Variants in CMTM4 observed in about 807,000 individuals in gnomAD.
The protein encoded by CMTM4 is CKLF like MARVEL transmembrane domain containing 4.
A neutral mutation model predicts 19.0 loss-of-function variants in CMTM4; 8 were observed. The observed-to-expected ratio is 0.42, with a 90% CI of 0.25 to 0.76. CMTM4 has a LOEUF of 0.76. Among genes scored for constraint, CMTM4 ranks in the 30% least tolerant of loss-of-function variants. The pLI, the probability that CMTM4 is intolerant of heterozygous loss-of-function variation, is 0.27. For missense variants in CMTM4, 228 were observed against 290.2 expected (o/e 0.79, Z 1.56); for synonymous variants, 106 against 121.1 (o/e 0.88, Z 0.82).
At chr16:66,641,694 A>G (rs1217377304) in intron 1 of CMTM4, among the ~76,000 whole-genome samples, 1 of 152,178 alleles carries the variant, frequency 6.6e-6, no homozygotes, top group African/African-American at 2.4e-5. Flanking sequence ...CTCACCCATA[A>G]AATTATACCT....
chr16:66,677,418 T>C (rs949100689), intron 1 of CMTM4, among the ~76,000 whole-genome samples: 2 of 152,300 alleles, frequency 1.3e-5, no homozygotes, highest in Admixed American at 1.3e-4. Context: ...AGCAGCAGCG[T>C]GTTATTGTGG....
chr16:66,647,078 G>A (rs2016216076), intron 1 of CMTM4, among the ~76,000 whole-genome samples: 1 of 150,962 alleles, frequency 6.6e-6, no homozygotes, highest in South Asian at 2.1e-4. Flanking sequence ...CACTTTGGGA[G>A]GCCGAGGTGG....
At chr16:66,681,551 G>A (rs899237166) in intron 1 of CMTM4, among the ~76,000 whole-genome samples, 1 of 152,114 alleles carries the variant, frequency 6.6e-6, no homozygotes, top group Non-Finnish European at 1.5e-5. Context: ...GGATCCACCC[G>A]TCTTGGCCTC....
the CMTM4 span, among the ~76,000 whole-genome samples, chr16:66,600,379 A>T: frequency 6.6e-6 from 1 of 152,064 alleles, no homozygotes; most frequent in Non-Finnish European, 1.5e-5. Flanking sequence ...TCCTGACCTC[A>T]GGTGATTAGC....
At chr16:66,609,034 A>C in the CMTM4 span, among the ~76,000 whole-genome samples, 1 of 152,236 alleles carries the variant, frequency 6.6e-6, no homozygotes, top group Non-Finnish European at 1.5e-5. The surrounding 1 kb of genome is among the most constrained non-coding windows in gnomAD (Gnocchi z 4.4). Context: ...GATAAGCAGA[A>C]ACTGTGGTCC....
intron 2 of CMTM4, among the ~76,000 whole-genome samples, chr16:66,629,880 C>T (rs1269943782): frequency 6.6e-6 from 1 of 152,216 alleles, no homozygotes; most frequent in Non-Finnish European, 1.5e-5. Context: ...TCCATAAGGA[C>T]AGAGGCTCCT....
intron 1 of CMTM4, among the ~76,000 whole-genome samples, chr16:66,651,905 C>T (rs2016317847): frequency 6.6e-6 from 1 of 152,184 alleles, no homozygotes; most frequent in South Asian, 2.1e-4. Context: ...AACAAAGGAG[C>T]TAATTGCAAG....
the CMTM4 span, among the ~76,000 whole-genome samples, chr16:66,609,172 G>A: frequency 6.6e-6 from 1 of 151,626 alleles, no homozygotes; most frequent in Admixed American, 6.6e-5. The surrounding 1 kb of genome is among the most constrained non-coding windows in gnomAD (Gnocchi z 4.4). Flanking sequence ...AGGGCAGGCT[G>A]CACCCTGATC....
At chr16:66,692,384 T>C (rs1221239704) in intron 1 of CMTM4, among the ~76,000 whole-genome samples, 2 of 152,014 alleles carry the variant, frequency 1.3e-5, no homozygotes, top group East Asian at 1.9e-4. Context: ...GCCCGGCCTG[T>C]TGCAAGGTTA....
chr16:66,622,325 T>C lies in CMTM4; in HGVS notation c.463-103A>G. On this transcript the variant is annotated intron_variant, in intron 3 of 3. Transcript: ENST00000394106. This position sits in a 1 kb window ranked among gnomAD's most constrained non-coding sequence, Gnocchi z 4.0. ...TGCAGCCCCTTCCTGCTCTGCCAGCTGATCATTACAACCCTGTGCCTTCAT... is the reference window on the plus strand; with the variant it reads ...TGCAGCCCCTTCCTGCTCTGCCAGCCGATCATTACAACCCTGTGCCTTCAT... The C allele has an allele frequency of 1.6e-6, 2 of 1,276,742 alleles. No homozygotes were observed. Among genetic ancestry groups the C allele is most frequent in the Non-Finnish European group, 1.1e-6 (1 of 915,920 alleles). The allele number at this position is 1,276,742 out of a possible 1,614,324, so 79.1% of individuals were successfully genotyped here.
intron 1 of CMTM4, among the ~76,000 whole-genome samples, chr16:66,666,515 C>A (rs1341540442): frequency 6.6e-6 from 1 of 152,130 alleles, no homozygotes; most frequent in Non-Finnish European, 1.5e-5. Context: ...ATTTGCAACT[C>A]ACGTATCTGA....
At chr16:66,633,785 T>C (rs1317372450) in intron 2 of CMTM4, among the ~76,000 whole-genome samples, 1 of 145,586 alleles carries the variant, frequency 6.9e-6, no homozygotes, top group African/African-American at 2.6e-5. Context: ...ACCACTGCAC[T>C]CCAGCCTGGG....
chr16:66,613,003 G>A (rs1596891296), downstream of CMTM4: 1 of 701,580 alleles, frequency 1.4e-6, no homozygotes, highest in African/African-American at 1.7e-5. Context: ...GGGGGTCGGG[G>A]GTCTTCTGTT....
the CMTM4 span, among the ~76,000 whole-genome samples, chr16:66,607,760 G>C: frequency 6.6e-6 from 1 of 152,266 alleles, no homozygotes; most frequent in African/African-American, 2.4e-5. Context: ...AGGGAGCTGG[G>C]GTGGGGTAAG....
the CMTM4 span, among the ~76,000 whole-genome samples, chr16:66,607,619 C>G: frequency 6.6e-6 from 1 of 152,296 alleles, no homozygotes; most frequent in African/African-American, 2.4e-5. Flanking sequence ...CATTCAGTGA[C>G]GAGCACACGT....
intron 1 of CMTM4, among the ~76,000 whole-genome samples, chr16:66,645,403 C>G (rs2016174313): frequency 6.6e-6 from 1 of 151,760 alleles, no homozygotes; most frequent in African/African-American, 2.4e-5. Flanking sequence ...GATGGTGAAA[C>G]CCTGTCTCTA....
In CMTM4 at chr16:66,696,617, G is replaced by A. The variant is rs1468655937; in HGVS notation, c.-92C>T. The A allele has an allele frequency of 3.0e-5, 22 of 722,790 alleles. No homozygotes were observed. The highest frequency in any genetic ancestry group is 3.5e-5 in the Non-Finnish European group (21 of 592,674). 44.8% of individuals were successfully genotyped at this position (722,790 alleles called of 1,614,324 possible). ...GGGCCGCCGCATCGCCGCCGCCGCC[G>A]CCGCCGCCGCCGCCCGACTGACTGC... is the stretch of plus-strand genomic sequence containing the variant. On this transcript the variant is annotated 5_prime_UTR_variant, in exon 1 of 4. Transcript: ENST00000394106. This position sits in a 1 kb window ranked among gnomAD's most constrained non-coding sequence, Gnocchi z 4.3.
intron 1 of CMTM4, among the ~76,000 whole-genome samples, chr16:66,672,672 C>T (rs553670156): frequency 9.2e-4 from 140 of 151,956 alleles, no homozygotes; most frequent in Non-Finnish European, 1.8e-3. Context: ...TGCAGTGGTG[C>T]GATCTCGGCT....
At chr16:66,603,357 G>A in the CMTM4 span, among the ~76,000 whole-genome samples, 2 of 151,788 alleles carry the variant, frequency 1.3e-5, no homozygotes, top group African/African-American at 4.8e-5. Context: ...GTGTGATTTT[G>A]GCTCACTGCA....
Sources: gnomAD v4.1 joint callset for allele counts (sites outside exome capture counted in the v4.1 genomes callset) on GRCh38, gnomAD v4.1.1 for gene constraint, Gnocchi (gnomAD v3.1) non-coding constraint, MANE v1.5 for transcripts, NCBI Gene and HGNC (gene_info 2026-07-23, HGNC 2026-07-21) for gene names.